Variants in GPRC5C observed in about 807,000 individuals in gnomAD.
GPRC5C encodes the protein G protein-coupled receptor class C group 5 member C.
Under a neutral mutation model 31.4 loss-of-function variants are expected in GPRC5C, and 22 were observed. The observed-to-expected ratio is 0.70, with a 90% CI of 0.50 to 1.00. The LOEUF (loss-of-function observed/expected upper bound fraction) is 1.00. Among genes scored for constraint, GPRC5C ranks in the 50% least tolerant of loss-of-function variants. GPRC5C has a pLI of 0.00. For missense variants in GPRC5C, 557 were observed against 597.2 expected (o/e 0.93, Z 0.70); for synonymous variants, 249 against 257.5 (o/e 0.97, Z 0.32).
intron 1 of GPRC5C, chr17:74,433,764 G>A (rs745922685): frequency 1.1e-5 from 17 of 1,607,406 alleles, no homozygotes; most frequent in South Asian, 2.2e-5. Flanking sequence ...ATGGGTCAGT[G>A]TTGAGTTTGG....
chr17:74,433,554 G>C (rs1006727293), intron 1 of GPRC5C: 1 of 694,792 alleles, frequency 1.4e-6, no homozygotes, highest in East Asian at 2.6e-5. Context: ...TGCACAGAGG[G>C]GTGAGACAGT....
At chr17:74,433,157 C>T (rs2055380934) in intron 1 of GPRC5C, among the ~76,000 whole-genome samples, 1 of 152,108 alleles carries the variant, frequency 6.6e-6, no homozygotes, top group Non-Finnish European at 1.5e-5. Context: ...CTTACAAACT[C>T]CACGATCAAG....
At chr17:74,436,186 G>A (rs28448451) in intron 1 of GPRC5C, among the ~76,000 whole-genome samples, 10,950 of 152,202 alleles carry the variant, frequency 0.072, 1,177 homozygotes, top group African/African-American at 0.23. Context: ...TCCCTTTGCA[G>A]ACTCAGCTGA....
At chr17:74,448,026 A>C (rs878917841), downstream of GPRC5C, among the ~76,000 whole-genome samples, 1 of 152,182 alleles carries the variant, frequency 6.6e-6, no homozygotes, top group African/African-American at 2.4e-5. Flanking sequence ...ATGTCCATTT[A>C]TGCGGGGTGC....
downstream of GPRC5C, among the ~76,000 whole-genome samples, chr17:74,447,600 G>A (rs796274314): frequency 5.3e-5 from 8 of 152,308 alleles, no homozygotes; most frequent in African/African-American, 1.9e-4. Flanking sequence ...TCCCCAGTGA[G>A]TGGTTCTTTA....
At chr17:74,432,602 G>T (rs1444870119) in intron 1 of GPRC5C, 11 of 798,322 alleles carry the variant, frequency 1.4e-5, no homozygotes, top group South Asian at 5.7e-5. Flanking sequence ...GGCAGAGGCG[G>T]GGGGACTGGA....
chr17:74,446,807 C>A, intron 3 of GPRC5C, 42 bp from the exon 4 acceptor site: 1 of 1,507,098 alleles, frequency 6.6e-7, no homozygotes. Flanking sequence ...CGGAACCTGG[C>A]TCCCAATCCC....
intron 1 of GPRC5C, among the ~76,000 whole-genome samples, chr17:74,437,565 A>G (rs769091829): frequency 1.3e-5 from 2 of 151,582 alleles, no homozygotes; most frequent in Non-Finnish European, 2.9e-5. Context: ...CATTTCACTT[A>G]ATTTTATGAG....
chr17:74,436,591 C>T (rs530941705), intron 1 of GPRC5C, among the ~76,000 whole-genome samples: 3 of 152,290 alleles, frequency 2.0e-5, no homozygotes, highest in South Asian at 4.1e-4. Flanking sequence ...TCAGGGACTA[C>T]GTTTGTTCAT....
rs528447969 is a variant in GPRC5C at position 74,447,090 on chromosome 17, C to G, written c.*62C>G. ...AGGGCCCTGAGGACCTGGCCCCGGGCAAGGGACTCTCCAGGCTCCTCCTCC... is the reference window on the plus strand; with the variant it reads ...AGGGCCCTGAGGACCTGGCCCCGGGGAAGGGACTCTCCAGGCTCCTCCTCC... On this transcript the variant is annotated 3_prime_UTR_variant, in exon 4 of 4. Coordinates refer to ENST00000392627, the MANE Select transcript of GPRC5C (RefSeq NM_022036.4). 6.4e-7 allele frequency: 1 copy of G among 1,558,412 alleles called. No individual in the cohort carries two copies. The highest frequency in any genetic ancestry group is 1.2e-5 in the South Asian group (1 of 83,588).
chr17:74,444,361 C>T (rs1039813062), intron 3 of GPRC5C, among the ~76,000 whole-genome samples: 11 of 152,310 alleles, frequency 7.2e-5, no homozygotes, highest in African/African-American at 2.6e-4. Context: ...AGGGGGCCCA[C>T]ACTCTCCTCC....
At position 74,439,816 on chromosome 17, in the gene GPRC5C, C is replaced by T. The variant is rs1414567590; in HGVS notation, c.40C>T (p.Pro14Ser). Residue 14 changes from proline (P) to serine (S), a missense_variant, in exon 2 of 4, where the codon CCT (proline) becomes TCT (serine). By Grantham distance (74) the Pro-to-Ser change is moderately conservative. Coordinates refer to ENST00000392627, the MANE Select transcript of GPRC5C (RefSeq NM_022036.4). ...HKALVMCLGL[P>S]LFLFPGAWAQ... The stretch of plus-strand genomic sequence containing the variant: ...AGCCTTGGTGATGTGCCTGGGACTG[C>T]CTCTCTTCCTGTTCCCAGGGGCCTG... The T allele has an allele frequency of 1.2e-5, 20 of 1,613,490 alleles. No individual in the cohort carries two copies. The highest frequency in any genetic ancestry group is 1.7e-5 in the Non-Finnish European group (20 of 1,179,886).
intron 1 of GPRC5C, chr17:74,432,483 C>T (rs2055368472): frequency 2.9e-6 from 3 of 1,048,068 alleles, no homozygotes; most frequent in Non-Finnish European, 3.4e-6. Flanking sequence ...TGGAGTTGGC[C>T]CCAAACGCTG....
At chr17:74,433,688 GTA>G in intron 1 of GPRC5C, 1 of 1,608,294 alleles carries the variant, frequency 6.2e-7, no homozygotes, top group Non-Finnish European at 8.5e-7. Context: ...GTGCTCTGTG[GTA>G]TCCCTGGGGG....
chr17:74,438,203 A>T (rs1331203094), intron 1 of GPRC5C, among the ~76,000 whole-genome samples: 1 of 71,454 alleles, frequency 1.4e-5, no homozygotes, highest in Non-Finnish European at 2.6e-5. Flanking sequence ...CTCTCTGCTA[A>T]TTCATATATA....
chr17:74,438,422 G>A (rs750039197), intron 1 of GPRC5C, among the ~76,000 whole-genome samples: 1 of 151,416 alleles, frequency 6.6e-6, no homozygotes, highest in Admixed American at 6.6e-5. Context: ...CTCCACGCCC[G>A]GCTAATTTTT....
Position 74,433,610 on chromosome 17 carries a change from G to T in GPRC5C, c.-33+1469G>T. 7.1e-6 allele frequency: 7 copies of T among 985,846 alleles called. No homozygotes were observed. The South Asian group carries it at 9.1e-5, about 13-fold the overall frequency. The allele number at this position is 985,846 out of a possible 1,614,324, so 61.1% of individuals were successfully genotyped here. On this transcript the variant is annotated intron_variant, in intron 1 of 3. Transcript: ENST00000392627. ...GAGAGACCGATAGGAGTGGAGGCAG[G>T]AAGGCTGTCAGTCGGGCCATCGTCT...
At chr17:74,437,395 C>G (rs1006339796) in intron 1 of GPRC5C, among the ~76,000 whole-genome samples, 1 of 152,118 alleles carries the variant, frequency 6.6e-6, no homozygotes, top group African/African-American at 2.4e-5. Context: ...TTTAGGAAAA[C>G]AACAGTACAT....
At chr17:74,443,272 C>A in intron 2 of GPRC5C, 1 of 232,016 alleles carries the variant, frequency 4.3e-6, no homozygotes, top group South Asian at 4.6e-5. Flanking sequence ...GGGCCACAGG[C>A]TGGGACGTGC....
Sources: allele counts gnomAD v4.1 joint callset (sites outside exome capture counted in the v4.1 genomes callset), GRCh38; gene constraint gnomAD v4.1.1; transcripts MANE v1.5; gene names NCBI Gene and HGNC (gene_info 2026-07-23, HGNC 2026-07-21).